The following DLC1 variants were observed in gnomAD, a reference collection of about 807,000 sequenced individuals.
DLC1 encodes the protein rho GTPase-activating protein 7.
A neutral mutation model predicts 140.3 loss-of-function variants in DLC1; 54 were observed. The ratio of observed to expected loss-of-function variants is 0.38; its 90% CI spans 0.31 to 0.48. DLC1 has a LOEUF of 0.48. Ranked by LOEUF, DLC1 falls within the 20% of genes least tolerant of loss-of-function variation. The pLI is 0.96. For synonymous variants in DLC1, 986 were observed against 728.1 expected (o/e 1.35, Z -5.70); for missense variants, 2,536 against 1,907.0 (o/e 1.33, Z -6.14).
intron 2 of DLC1, among the ~76,000 whole-genome samples, chr8:13,460,112 C>G (rs896915458): frequency 2.0e-5 from 3 of 152,168 alleles, no homozygotes; most frequent in Non-Finnish European, 4.4e-5. Context: ...AGCTCTCGAT[C>G]AAGAATGGTT....
chr8:13,348,055 C>G (rs1834439572), intron 4 of DLC1, among the ~76,000 whole-genome samples: 1 of 151,710 alleles, frequency 6.6e-6, no homozygotes, highest in South Asian at 2.1e-4. Context: ...CGCCACTGCA[C>G]TCCAGCCTGG....
At chr8:13,434,936 T>A (rs1839051034) in intron 2 of DLC1, among the ~76,000 whole-genome samples, 1 of 152,018 alleles carries the variant, frequency 6.6e-6, no homozygotes, top group African/African-American at 2.4e-5. Context: ...CGCCTTGGCC[T>A]CCCAAAATGC....
At chr8:13,115,695 G>A (rs776523154) in intron 5 of DLC1, 38 bp from the exon 6 acceptor site, 1 of 1,592,326 alleles carries the variant, frequency 6.3e-7, no homozygotes, top group Admixed American at 1.7e-5. Context: ...TTAGCCATGT[G>A]TACCTCGCCA....
intron 2 of DLC1, among the ~76,000 whole-genome samples, chr8:13,404,929 C>G (rs1163751524): frequency 6.6e-6 from 1 of 151,938 alleles, no homozygotes; most frequent in Non-Finnish European, 1.5e-5. Flanking sequence ...GTCGCTTGAA[C>G]CTGGGAGGCA....
chr8:13,372,105 C>T (rs922207584), intron 4 of DLC1, among the ~76,000 whole-genome samples: 1 of 151,816 alleles, frequency 6.6e-6, no homozygotes, highest in Non-Finnish European at 1.5e-5. Flanking sequence ...AGTCACAACT[C>T]GTTACCATTT....
chr8:13,297,290 A>AAAAAAAAAAAAAAAAC (rs1586089379), intron 5 of DLC1, among the ~76,000 whole-genome samples: 1 of 143,494 alleles, frequency 7.0e-6, no homozygotes, highest in Non-Finnish European at 1.5e-5. Flanking sequence ...ATTAAAAAAA[A>AAAAAAAAAAAAAAAAC]AAAAAACTGA....
chr8:13,162,748 T>A (rs913889608), intron 5 of DLC1, among the ~76,000 whole-genome samples: 1 of 152,128 alleles, frequency 6.6e-6, no homozygotes, highest in Non-Finnish European at 1.5e-5. Flanking sequence ...GAAACCAGCC[T>A]GGGCAGCACA....
At chr8:13,568,308 G>A (rs996156954) in intron 1 of DLC1, 9 of 190,842 alleles carry the variant, frequency 4.7e-5, no homozygotes, top group South Asian at 1.5e-4. Flanking sequence ...TGACTTGTGC[G>A]CCCGGATGAA....
chr8:13,492,155 A>G (rs530311072), intron 2 of DLC1, among the ~76,000 whole-genome samples: 9 of 152,268 alleles, frequency 5.9e-5, no homozygotes. Flanking sequence ...AAAGTAAAAC[A>G]TTTGAGGATC....
intron 2 of DLC1, among the ~76,000 whole-genome samples, chr8:13,438,251 A>G (rs1225660096): frequency 6.6e-6 from 1 of 152,176 alleles, no homozygotes; most frequent in Admixed American, 6.5e-5. Flanking sequence ...AAATGTGTCC[A>G]GGAGATTTTT....
At chr8:13,477,449 T>C (rs1413330429) in intron 2 of DLC1, among the ~76,000 whole-genome samples, 1 of 152,152 alleles carries the variant, frequency 6.6e-6, no homozygotes, top group Admixed American at 6.5e-5. Context: ...GACTTTGCTA[T>C]AGTAGTGAGA....
chr8:13,509,697 A>C (rs1802266221), intron 1 of DLC1, among the ~76,000 whole-genome samples: 1 of 150,678 alleles, frequency 6.6e-6, no homozygotes, highest in Non-Finnish European at 1.5e-5. Flanking sequence ...TGCTCTAATT[A>C]ATTTGATAGG....
At chr8:13,086,853 A>T (rs2128925706) in intron 16 of DLC1, among the ~76,000 whole-genome samples, 1 of 151,122 alleles carries the variant, frequency 6.6e-6, no homozygotes, top group East Asian at 2.0e-4. Context: ...GTGATACCTC[A>T]TCTCTACTAA....
chr8:13,291,892 T>C (rs1387252255), intron 5 of DLC1, among the ~76,000 whole-genome samples: 3 of 152,098 alleles, frequency 2.0e-5, no homozygotes, highest in Non-Finnish European at 2.9e-5. Flanking sequence ...GAAGCAAAGG[T>C]TTTCCAGATG....
At chr8:13,195,051 C>T (rs532373273) in intron 5 of DLC1, among the ~76,000 whole-genome samples, 1 of 152,252 alleles carries the variant, frequency 6.6e-6, no homozygotes, top group South Asian at 2.1e-4. Context: ...ACCAAACTCT[C>T]CTTTAAAAAA....
At chr8:13,447,168 T>G (rs1339057947) in intron 2 of DLC1, among the ~76,000 whole-genome samples, 1 of 152,174 alleles carries the variant, frequency 6.6e-6, no homozygotes, top group African/African-American at 2.4e-5. Flanking sequence ...TTTCCAAATG[T>G]TGATTTTTGG....
At chr8:13,376,170 C>G (rs530734711) in intron 4 of DLC1, among the ~76,000 whole-genome samples, 45 of 152,246 alleles carry the variant, frequency 3.0e-4, no homozygotes, top group African/African-American at 1.1e-3. Context: ...TGCTTCATGT[C>G]TGTGTATTGG....
At chr8:13,520,312 T>C (rs1802724019) in intron 1 of DLC1, among the ~76,000 whole-genome samples, 1 of 152,216 alleles carries the variant, frequency 6.6e-6, no homozygotes, top group South Asian at 2.1e-4. Flanking sequence ...GAAGAGTTCA[T>C]GCCCTTTGCA....
At chr8:13,500,672 A>C (rs1203629855) in intron 1 of DLC1, among the ~76,000 whole-genome samples, 5 of 151,816 alleles carry the variant, frequency 3.3e-5, no homozygotes. Flanking sequence ...TAGAGACAGC[A>C]TGTGTAATGT....
Sources: gnomAD v4.1 joint callset for allele counts (sites outside exome capture counted in the v4.1 genomes callset) on GRCh38, gnomAD v4.1.1 for gene constraint, MANE v1.5 for transcripts, NCBI Gene and HGNC (gene_info 2026-07-23, HGNC 2026-07-21) for gene names.